Variants in NOTCH2 observed in about 807,000 individuals in gnomAD.
NOTCH2 encodes notch receptor 2, also known as neurogenic locus notch homolog protein 2.
A neutral mutation model predicts 235.8 loss-of-function variants in NOTCH2; 29 were observed. The observed-to-expected ratio is 0.12, with a 90% confidence interval of 0.09 to 0.17. The LOEUF (loss-of-function observed/expected upper bound fraction) is 0.17, where lower values mean the gene tolerates loss of function less well. Among genes scored for constraint, NOTCH2 ranks in the 10% least tolerant of loss-of-function variants. The probability of loss-of-function intolerance (pLI) is 1.00; values close to 1 mark genes in which losing one functional copy is unlikely to be tolerated. For synonymous variants in NOTCH2, 1,086 were observed against 1,141.5 expected (o/e 0.95, Z 0.98); for missense variants, 2,285 against 3,150.2 (o/e 0.73, Z 6.57).
At chr1:119,950,288 G>C (rs587594261) in intron 15 of NOTCH2, 1 of 357,984 alleles carries the variant, frequency 2.8e-6, no homozygotes, top group South Asian at 2.2e-5. Flanking sequence ...AATGGCAATA[G>C]GAACTTCTAC....
intron 11 of NOTCH2, 80 bp from the exon 12 acceptor site, chr1:119,959,582 GGTAAGAA>G (rs1553198784): frequency 1.2e-6 from 1 of 820,074 alleles, no homozygotes; most frequent in Non-Finnish European, 2.1e-6. Flanking sequence ...GCAGCAACGT[GGTAAGAA>G]ATCTAAGGTG....
At chr1:120,023,532 T>C (rs587771467) in intron 2 of NOTCH2, among the ~76,000 whole-genome samples, 1 of 122,160 alleles carries the variant, frequency 8.2e-6, no homozygotes, top group African/African-American at 4.7e-5. Flanking sequence ...GGCTGAACCA[T>C]ACTAGATCAT....
intron 14 of NOTCH2, 109 bp downstream of exon 14, chr1:119,953,434 G>A (rs1553198022): frequency 1.7e-6 from 2 of 1,199,396 alleles, no homozygotes; most frequent in East Asian, 4.7e-5. Context: ...CAATATGTTT[G>A]TTACACGAAT....
At position 119,949,142 on chromosome 1, in the gene NOTCH2, CAG is replaced by C. The variant is rs1553197421; in HGVS notation, c.2480-18_2480-17del. 1.9e-6 allele frequency: 3 copies of C among 1,614,098 alleles called. No individual in the cohort carries two copies. The highest frequency in any genetic ancestry group is 1.7e-6 in the Non-Finnish European group (2 of 1,179,992). ...CAATTCTTGCCTAGAAAGTAAATGA[CAG>C]AGTTTATGACAGATAAACAGGTAAG... On this transcript the variant is annotated splice_polypyrimidine_tract_variant and intron_variant, in intron 15 of 33. Coordinates refer to ENST00000256646, the MANE Select transcript of NOTCH2 (RefSeq NM_024408.4).
chr1:119,973,163 G>C (rs1553200572), intron 5 of NOTCH2, among the ~76,000 whole-genome samples: 1 of 152,152 alleles, frequency 6.6e-6, no homozygotes, highest in East Asian at 1.9e-4. Flanking sequence ...ATTAGCTACT[G>C]GATGGATCAC....
At chr1:119,961,967 C>T (rs1650955015) in intron 11 of NOTCH2, among the ~76,000 whole-genome samples, 1 of 152,174 alleles carries the variant, frequency 6.6e-6, no homozygotes, top group Admixed American at 6.5e-5. Context: ...TGATACATGC[C>T]AGGTCTTTCT....
intron 28 of NOTCH2, 42 bp from the exon 29 acceptor site, chr1:119,921,851 AAACT>A: frequency 6.7e-7 from 1 of 1,490,684 alleles, no homozygotes. Context: ...TGGCAGTCAT[AAACT>A]AATACAGTGG....
chr1:119,919,399 A>C lies in NOTCH2; in HGVS notation c.5694T>G (p.Asp1898Glu). 1 of 1,613,826 alleles carries C rather than the reference A, an allele frequency of 6.2e-7. No individual in the cohort carries two copies. Among genetic ancestry groups the C allele is most frequent in the Non-Finnish European group, 8.5e-7 (1 of 1,180,042 alleles). The change falls in exon 31 of 34, where the codon GAT becomes GAG. Residue 1898 changes from aspartate to glutamate, a missense_variant. Physicochemically the swap from Asp to Glu is conservative, Grantham distance 45 (BLOSUM62 2). Around this residue, in one of 6 missense-constraint regions of NOTCH2, gnomAD observed 128 missense variants for 255.9 expected, o/e 0.50. Transcript: ENST00000256646. Reference protein sequence around the residue: ...SRADAAKRLLDAGADANAQDN... With the variant: ...SRADAAKRLLEAGADANAQDN... ...CCTGGGCATTGGCATCTGCACCTGC[A>C]TCCAGGAGACGCTTGGCAGCATCAG...
intron 22 of NOTCH2, among the ~76,000 whole-genome samples, chr1:119,929,586 C>T (rs2101170301): frequency 6.6e-6 from 1 of 152,322 alleles, no homozygotes; most frequent in South Asian, 2.1e-4. Context: ...CAAAAAAGAA[C>T]ATAACAATAA....
At chr1:119,936,698 T>C (rs1649861505) in intron 21 of NOTCH2, among the ~76,000 whole-genome samples, 1 of 152,214 alleles carries the variant, frequency 6.6e-6, no homozygotes, top group Admixed American at 6.5e-5. Context: ...TGAATTGGTA[T>C]CAAATTAATG....
rs1317736527 is a variant in NOTCH2, at chr1:120,058,281, A to G, written c.73+11053T>C. ...CACTTTGGGAGGCTGAGGCGGGCGG[A>G]TCACCTGAGGTCAGGAGTACGAGAC... is the stretch of plus-strand genomic sequence containing the variant. On this transcript the variant is annotated intron_variant, in intron 1 of 33. Transcript: ENST00000256646. Among the ~76,000 whole-genome samples, 8 of 152,030 alleles carry G rather than the reference A, an allele frequency of 5.3e-5. No homozygotes were observed. In the East Asian group the frequency reaches 1.5e-3, roughly 29 times the overall value.
chr1:119,957,829 AACACACAC>A (rs3222739), intron 12 of NOTCH2, among the ~76,000 whole-genome samples: 4,368 of 116,448 alleles, frequency 0.038, 96 homozygotes, highest in African/African-American at 0.064. Flanking sequence ...GCCTTATATA[AACACACAC>A]ACACACACAC....
intron 1 of NOTCH2, among the ~76,000 whole-genome samples, chr1:120,037,532 A>AT (rs1553212071): frequency 2.7e-5 from 4 of 148,920 alleles, no homozygotes; most frequent in Non-Finnish European, 6.0e-5. Flanking sequence ...TTTGTATTCC[A>AT]TTTTTTGGGA....
chr1:120,064,178 G>A (rs1410911093), intron 1 of NOTCH2, among the ~76,000 whole-genome samples: 1 of 151,178 alleles, frequency 6.6e-6, no homozygotes, highest in Non-Finnish European at 1.5e-5. Flanking sequence ...AATTAGAGCT[G>A]GCCAAAGATG....
intron 32 of NOTCH2, among the ~76,000 whole-genome samples, chr1:119,917,999 CAT>C (rs1649147954): frequency 6.6e-6 from 1 of 152,172 alleles, no homozygotes; most frequent in South Asian, 2.1e-4. Flanking sequence ...ATGAGGCATT[CAT>C]GTCCCCTACA....
chr1:119,947,317 T>A (rs1361401061), intron 17 of NOTCH2, among the ~76,000 whole-genome samples: 1 of 152,172 alleles, frequency 6.6e-6, no homozygotes, highest in African/African-American at 2.4e-5. Flanking sequence ...CTCTTTCAAC[T>A]CAAGAAGACA....
Position 119,914,071 on chromosome 1 carries a change from C to T in NOTCH2, c.*1235G>A, listed in dbSNP as rs587611309. On this transcript the variant is annotated 3_prime_UTR_variant, in exon 34 of 34. Coordinates refer to ENST00000256646, the MANE Select transcript of NOTCH2 (RefSeq NM_024408.4). ...GACTGATCATCTGACAAACGGAAGA[C>T]AACTGTCACTGGGTCCCTTGGGCTA... 172 of 233,260 alleles carry T rather than the reference C, an allele frequency of 7.4e-4. No homozygotes were observed. Among genetic ancestry groups the T allele is most frequent in the African/African-American group, 2.9e-3 (131 of 45,466 alleles). The allele number at this position is 233,260 out of a possible 1,614,324, so 14.4% of individuals were successfully genotyped here.
intron 5 of NOTCH2, among the ~76,000 whole-genome samples, chr1:119,970,529 G>C (rs2493408): frequency 6.6e-6 from 1 of 152,132 alleles, no homozygotes; most frequent in African/African-American, 2.4e-5. Flanking sequence ...GATGGAAAAA[G>C]GACTGGTATG....
In NOTCH2 at chr1:119,920,320, A is replaced by G. The variant is rs2101151523; in HGVS notation, c.5388T>C (p.Ala1796=). 2 of 1,614,188 alleles carry G rather than the reference A, an allele frequency of 1.2e-6. No homozygotes were observed. The highest frequency in any genetic ancestry group is 1.7e-6 in the Non-Finnish European group (2 of 1,180,028). Reference sequence around the variant, plus strand: ...GCGATGGTGTCCTACGGATGTCTGCAGCTTCAAGGTGCTGCTGTGTCCATG... The same window carrying G: ...GCGATGGTGTCCTACGGATGTCTGCGGCTTCAAGGTGCTGCTGTGTCCATG... ...RRPWTQQHLE[A]ADIRRTPSLA... is the part of the protein sequence containing the mutation. Residue 1796 remains alanine (A), a synonymous_variant, in exon 30 of 34, where the codon GCT becomes GCC. Transcript: ENST00000256646.
Sources: allele counts gnomAD v4.1 joint callset (sites outside exome capture counted in the v4.1 genomes callset), GRCh38; gene constraint gnomAD v4.1.1; regional missense constraint gnomAD v4.1.1; transcripts MANE v1.5; gene names NCBI Gene and HGNC (gene_info 2026-07-23, HGNC 2026-07-21).